CALN1: variants seen among roughly 807,000 people sequenced by gnomAD.
CALN1 encodes the protein calcium-binding protein 8.
Under a neutral mutation model 30.6 loss-of-function variants are expected in CALN1, and 17 were observed. The observed-to-expected ratio is 0.56, with a 90% CI of 0.38 to 0.83. The LOEUF (loss-of-function observed/expected upper bound fraction) is 0.83. CALN1 is among the 40% of genes least tolerant of loss of function. CALN1 has a pLI of 0.00. For missense variants in CALN1, 291 were observed against 354.9 expected, an observed-to-expected ratio of 0.82 and a Z score of 1.45; for synonymous variants, 156 against 131.4, an observed-to-expected ratio of 1.19 and a Z score of -1.28.
the CALN1 span, among the ~76,000 whole-genome samples, chr7:72,468,389 C>A: frequency 6.6e-6 from 1 of 152,322 alleles, no homozygotes; most frequent in East Asian, 1.9e-4. Flanking sequence ...TCTTGGCTCA[C>A]TGCAACCTCC....
intron 2 of CALN1, among the ~76,000 whole-genome samples, chr7:72,336,319 G>A (rs1243460845): frequency 2.6e-5 from 4 of 152,140 alleles, no homozygotes; most frequent in Non-Finnish European, 4.4e-5. Context: ...CCCATCGCCC[G>A]GGCGCCTGCG....
intron 5 of CALN1, among the ~76,000 whole-genome samples, chr7:71,868,409 T>A (rs1344227506): frequency 6.7e-6 from 1 of 149,976 alleles, no homozygotes; most frequent in African/African-American, 2.5e-5. Context: ...TTTTGCTCTG[T>A]CACCCAGGCT....
intron 2 of CALN1, among the ~76,000 whole-genome samples, chr7:72,340,662 A>T (rs1585539155): frequency 6.6e-6 from 1 of 152,098 alleles, no homozygotes; most frequent in Admixed American, 6.5e-5. Flanking sequence ...AGTTTTATGT[A>T]CCTAGTTCAG....
At chr7:72,055,144 G>A (rs1235231130) in intron 4 of CALN1, among the ~76,000 whole-genome samples, 1 of 152,112 alleles carries the variant, frequency 6.6e-6, no homozygotes, top group Non-Finnish European at 1.5e-5. Context: ...CCACACTAAC[G>A]AGGTAGATAT....
intron 2 of CALN1, among the ~76,000 whole-genome samples, chr7:72,383,447 T>C (rs1805030300): frequency 1.3e-5 from 2 of 152,302 alleles, no homozygotes; most frequent in African/African-American, 2.4e-5. Flanking sequence ...TTTTAACTAG[T>C]GTGAGGAGGT....
At chr7:72,392,079 C>A (rs916642341) in intron 2 of CALN1, among the ~76,000 whole-genome samples, 1 of 152,182 alleles carries the variant, frequency 6.6e-6, no homozygotes, top group African/African-American at 2.4e-5. Flanking sequence ...GAGATGCTCC[C>A]TTTTAGGATG....
At chr7:72,104,984 TA>T (rs921105496) in intron 4 of CALN1, among the ~76,000 whole-genome samples, 9 of 147,070 alleles carry the variant, frequency 6.1e-5, no homozygotes, top group Non-Finnish European at 9.0e-5. Context: ...AAAATACAAT[TA>T]AAAAAATTAA....
chr7:71,978,652 T>C (rs1268916886), intron 5 of CALN1, among the ~76,000 whole-genome samples: 1 of 152,142 alleles, frequency 6.6e-6, no homozygotes, highest in East Asian at 1.9e-4. Context: ...ACGAGACCTA[T>C]TGTTGACAGG....
chr7:72,462,132 C>T, the CALN1 span, among the ~76,000 whole-genome samples: 9 of 150,080 alleles, frequency 6.0e-5, no homozygotes, highest in Non-Finnish European at 1.2e-4. Flanking sequence ...ATCACACCTT[C>T]ACTGTGGTCC....
At chr7:72,201,490 C>G (rs1271632020) in intron 3 of CALN1, among the ~76,000 whole-genome samples, 4 of 151,604 alleles carry the variant, frequency 2.6e-5, no homozygotes, top group African/African-American at 9.7e-5. Context: ...ACTCGGGAGG[C>G]TGAGGCAGGA....
At chr7:72,069,999 C>T (rs1424712592) in intron 4 of CALN1, among the ~76,000 whole-genome samples, 1 of 152,194 alleles carries the variant, frequency 6.6e-6, no homozygotes, top group Non-Finnish European at 1.5e-5. Flanking sequence ...TGTCCCCAAA[C>T]TCTATGGGGC....
At chr7:72,059,053 C>T (rs2129536835) in intron 4 of CALN1, among the ~76,000 whole-genome samples, 1 of 152,268 alleles carries the variant, frequency 6.6e-6, no homozygotes, top group South Asian at 2.1e-4. Flanking sequence ...TAAACTAAAA[C>T]TTTAGAAATG....
rs1334658110 is a variant in CALN1, at chr7:71,782,142, T to C, written c.*5633A>G. The C allele has an allele frequency of 1.3e-5, 2 of 152,192 alleles. No individual in the cohort carries two copies. The highest frequency in any genetic ancestry group is 2.9e-5 in the Non-Finnish European group (2 of 68,066). 9.4% of individuals were successfully genotyped at this position (152,192 alleles called of 1,614,324 possible). ...AAACCAATCATAGAGGCTGGATATT[T>C]GTTCCCCCCAAATTTCATGTTGATC... On this transcript the variant is annotated 3_prime_UTR_variant, in exon 7 of 7. Transcript: ENST00000395275.
chr7:72,256,906 T>C (rs1209770303), intron 3 of CALN1, among the ~76,000 whole-genome samples: 1 of 152,222 alleles, frequency 6.6e-6, no homozygotes, highest in Admixed American at 6.5e-5. Context: ...TACCCTGCCA[T>C]GTGCCAGGCA....
intron 4 of CALN1, among the ~76,000 whole-genome samples, chr7:72,069,003 T>A (rs916009924): frequency 6.6e-6 from 1 of 152,214 alleles, no homozygotes; most frequent in Non-Finnish European, 1.5e-5. Flanking sequence ...AGATATAGAC[T>A]GATTCTAAGT....
intron 3 of CALN1, among the ~76,000 whole-genome samples, chr7:72,219,858 T>C (rs1793146274): frequency 6.6e-6 from 1 of 152,032 alleles, no homozygotes. Flanking sequence ...GACAAAATCC[T>C]GGAATGAACA....
rs989106986 is a variant in CALN1 at position 72,156,743 on chromosome 7, G to A, written c.245-50449C>T. Among the ~76,000 whole-genome samples the A allele has an allele frequency of 3.3e-5, 5 of 152,222 alleles. No homozygotes were observed. In the South Asian group the frequency reaches 1.0e-3, roughly 31 times the overall value. ...TGTATCATAATCTCCTCACTCTGAGGGATGCACCTCCCGTGGTGGGAGTGC... is the reference window on the plus strand; with the variant it reads ...TGTATCATAATCTCCTCACTCTGAGAGATGCACCTCCCGTGGTGGGAGTGC... On this transcript the variant is annotated intron_variant, in intron 3 of 6. Coordinates refer to ENST00000395275, the MANE Select transcript of CALN1 (RefSeq NM_031468.4).
chr7:72,183,504 G>C (rs540252643), intron 3 of CALN1, among the ~76,000 whole-genome samples: 66 of 152,280 alleles, frequency 4.3e-4, no homozygotes, highest in Non-Finnish European at 6.6e-4. Flanking sequence ...TACAGGACTT[G>C]GTGACTGCTA....
intron 2 of CALN1, among the ~76,000 whole-genome samples, chr7:72,349,131 G>GA (rs1554382750): frequency 2.0e-5 from 3 of 152,088 alleles, no homozygotes; most frequent in Non-Finnish European, 4.4e-5. Flanking sequence ...AAGTGAGTTT[G>GA]AAAAAATAGA....
Sources: allele counts gnomAD v4.1 joint callset (sites outside exome capture counted in the v4.1 genomes callset), GRCh38; gene constraint gnomAD v4.1.1; transcripts MANE v1.5; gene names NCBI Gene and HGNC (gene_info 2026-07-23, HGNC 2026-07-21).